Variants in ABR observed in about 807,000 individuals in gnomAD.
The protein encoded by ABR is ABR activator of RhoGEF and GTPase.
A neutral mutation model predicts 107.2 loss-of-function variants in ABR; 35 were observed. The ratio of observed to expected loss-of-function variants is 0.33; its 90% CI spans 0.25 to 0.43. The LOEUF is 0.43. Among genes scored for constraint, ABR ranks in the 20% least tolerant of loss-of-function variants. The pLI is 1.00. For synonymous variants in ABR, 498 were observed against 462.0 expected (o/e 1.08, Z -1.00); for missense variants, 815 against 1,115.2 (o/e 0.73, Z 3.83).
Position 1,037,923 on chromosome 17 carries a change from G to A in ABR, c.1791+12127C>T, listed in dbSNP as rs1246563541. ...TCAGTTTCCACAGCTGTCAAATCAG[G>A]AGCTCGGAACAGACACATGGTCTCC... On this transcript the variant is annotated intron_variant, in intron 16 of 22. Transcript: ENST00000302538. The surrounding 1 kb of genome is among the most constrained non-coding windows in gnomAD (Gnocchi z 4.6). Among the ~76,000 whole-genome samples the A allele has an allele frequency of 6.6e-6, 1 of 152,160 alleles. No homozygotes were observed.
rs1168018486 is a variant in ABR, at chr17:1,078,470, C to G, written c.700+860G>C. The stretch of plus-strand genomic sequence containing the variant: ...TGGCCCCCGCAGACCCTCTCCCTGG[C>G]CTCAGGGCTACTACGTCTGCGGGCA... On this transcript the variant is annotated intron_variant, in intron 6 of 22. Transcript: ENST00000302538. The surrounding 1 kb of genome is among the most constrained non-coding windows in gnomAD (Gnocchi z 7.5). Among the ~76,000 whole-genome samples, 1 of 152,164 alleles carries G rather than the reference C, an allele frequency of 6.6e-6. No homozygotes were observed.
chr17:1,142,672 C>G (rs568337819), intron 1 of ABR, among the ~76,000 whole-genome samples: 3 of 152,092 alleles, frequency 2.0e-5, no homozygotes, highest in African/African-American at 7.2e-5. Flanking sequence ...GAAGGCTGCC[C>G]GGAAGAGGCA....
chr17:1,112,115 G>A (rs1044903698), intron 2 of ABR, among the ~76,000 whole-genome samples: 3 of 152,140 alleles, frequency 2.0e-5, no homozygotes, highest in South Asian at 4.1e-4. Flanking sequence ...ACGACCACAC[G>A]TACTTCCCCA....
intron 1 of ABR, among the ~76,000 whole-genome samples, chr17:1,194,713 G>C (rs1422626170): frequency 8.1e-6 from 1 of 123,364 alleles, no homozygotes; most frequent in African/African-American, 2.7e-5. Context: ...GAGTGCAGTG[G>C]TGCGGTCTCA....
intron 16 of ABR, among the ~76,000 whole-genome samples, chr17:1,046,443 G>A (rs1170578133): frequency 6.6e-6 from 1 of 152,038 alleles, no homozygotes; most frequent in African/African-American, 2.4e-5. Flanking sequence ...GCTAATTTTT[G>A]TATTTTTAGT....
At chr17:1,192,576 A>G (rs1393065164) in intron 1 of ABR, among the ~76,000 whole-genome samples, 1 of 151,794 alleles carries the variant, frequency 6.6e-6, no homozygotes, top group Non-Finnish European at 1.5e-5. Context: ...CACGAGTTCA[A>G]GACCAGCCTG....
intron 16 of ABR, among the ~76,000 whole-genome samples, chr17:1,042,040 C>A (rs1597500659): frequency 6.6e-6 from 1 of 152,284 alleles, no homozygotes; most frequent in East Asian, 1.9e-4. Context: ...AGCTGGGAGG[C>A]AGGTGGGGGA....
rs144962778 is a variant in ABR, at chr17:1,220,625, G to A, written c.838+8168C>T. On this transcript the variant is annotated intron_variant, in intron 1 of 22. Coordinates refer to the ABR transcript ENST00000574139. ...AAATCTGCCCCAACACCTGGACGAC[G>A]AGTCCCTGTGACTACAACACAGCCC... Among the ~76,000 whole-genome samples, 586 of 152,216 alleles carry A rather than the reference G, an allele frequency of 3.8e-3. 1 individual carries two copies. Among genetic ancestry groups the A allele is most frequent in the Non-Finnish European group, 5.6e-3 (381 of 68,022 alleles).
At chr17:1,029,684 G>A (rs966162118) in intron 16 of ABR, among the ~76,000 whole-genome samples, 6 of 152,136 alleles carry the variant, frequency 3.9e-5, no homozygotes, top group African/African-American at 1.4e-4. Flanking sequence ...GCAGGAAAAT[G>A]CCAGGTTAAT....
chr17:1,113,349 T>G (rs552935706), intron 2 of ABR, among the ~76,000 whole-genome samples: 2 of 134,220 alleles, frequency 1.5e-5, no homozygotes, highest in Non-Finnish European at 3.1e-5. Context: ...TGCAGTGGCA[T>G]GATCTCAGCT....
intron 9 of ABR, among the ~76,000 whole-genome samples, chr17:1,068,358 G>T (rs2034933157): frequency 6.6e-6 from 1 of 152,244 alleles, no homozygotes; most frequent in Non-Finnish European, 1.5e-5. Context: ...TATACTTGGG[G>T]GCACAGCCAG....
chr17:1,223,133 C>T (rs2043148488), intron 1 of ABR, among the ~76,000 whole-genome samples: 1 of 150,954 alleles, frequency 6.6e-6, no homozygotes, highest in African/African-American at 2.4e-5. Context: ...ACTCAGGAGG[C>T]GGAGGTTGCA....
chr17:1,057,776 C>T, intron 12 of ABR, 194 bp downstream of exon 12: 1 of 558,604 alleles, frequency 1.8e-6, no homozygotes, highest in Non-Finnish European at 3.2e-6. Context: ...ACTAAATCAT[C>T]ATGTCTTTCA....
At chr17:1,085,095 C>G (rs1202674403) in intron 4 of ABR, among the ~76,000 whole-genome samples, 1 of 150,924 alleles carries the variant, frequency 6.6e-6, no homozygotes, top group East Asian at 2.0e-4. Context: ...AGCCACTGCG[C>G]CCGGCCAATT....
intron 1 of ABR, among the ~76,000 whole-genome samples, chr17:1,144,457 C>A (rs1378246223): frequency 6.6e-6 from 1 of 152,108 alleles, no homozygotes; most frequent in Non-Finnish European, 1.5e-5. Flanking sequence ...CTAGGTGCCG[C>A]CACTTCCTTA....
At chr17:1,012,634 G>T in intron 18 of ABR, 54 bp downstream of exon 18, 9 of 1,349,776 alleles carry the variant, frequency 6.7e-6, no homozygotes, top group East Asian at 2.5e-5. Context: ...GGCCCGGGCT[G>T]GGGGGGACCC....
intron 1 of ABR, among the ~76,000 whole-genome samples, chr17:1,213,853 A>G (rs558641559): frequency 6.6e-6 from 1 of 152,220 alleles, no homozygotes; most frequent in East Asian, 1.9e-4. Flanking sequence ...AAGGCAGTCT[A>G]AGGTGCTGTT....
chr17:1,090,136 G>A (rs774897258), intron 4 of ABR, among the ~76,000 whole-genome samples: 3 of 152,176 alleles, frequency 2.0e-5, no homozygotes, highest in Admixed American at 2.0e-4. Context: ...AGACGAGAGG[G>A]GGAAGGACGT....
In ABR at chr17:1,051,599, C is replaced by A. The variant is rs377375004; in HGVS notation, c.1562-965G>T. Among the ~76,000 whole-genome samples the A allele has an allele frequency of 1.8e-4, 27 of 152,204 alleles. 2 individuals are homozygous for A. The highest frequency in any genetic ancestry group is 9.2e-4 in the Admixed American group (14 of 15,274). ...TCGGACCCCAGCAGTCCTCCCACCT[C>A]CAGGGAGATGCCGAGGTTGTTCCCA... is the stretch of plus-strand genomic sequence containing the variant. On this transcript the variant is annotated intron_variant, in intron 14 of 22. Coordinates refer to ENST00000302538, the MANE Select transcript of ABR (RefSeq NM_021962.5). The surrounding 1 kb of genome is among the most constrained non-coding windows in gnomAD (Gnocchi z 4.3).
Sources: gnomAD v4.1 joint callset for allele counts (sites outside exome capture counted in the v4.1 genomes callset) on GRCh38, gnomAD v4.1.1 for gene constraint, Gnocchi (gnomAD v3.1) non-coding constraint, MANE v1.5 for transcripts, NCBI Gene and HGNC (gene_info 2026-07-23, HGNC 2026-07-21) for gene names.